Variants in LRRC37A observed in about 807,000 individuals in gnomAD.
The protein encoded by LRRC37A is leucine rich repeat containing 37A, also known as leucine-rich repeat-containing protein 37A.
LRRC37A carries 3 observed loss-of-function variants against 35.4 expected under a neutral mutation model. The ratio of observed to expected loss-of-function variants is 0.08; its 90% CI spans 0.04 to 0.22. The LOEUF (loss-of-function observed/expected upper bound fraction) is 0.22, where lower values mean the gene tolerates loss of function less well. Ranked by LOEUF, LRRC37A falls within the 10% of genes least tolerant of loss-of-function variation. The probability of loss-of-function intolerance (pLI) is 1.00; values close to 1 mark genes in which losing one functional copy is unlikely to be tolerated. For synonymous variants in LRRC37A, 23 were observed against 215.0 expected, an observed-to-expected ratio of 0.11 and a Z score of 7.81; for missense variants, 67 against 565.3, an observed-to-expected ratio of 0.12 and a Z score of 8.94.
chr17:46,253,084 G>A, the LRRC37A span, among the ~76,000 whole-genome samples: 5 of 118,716 alleles, frequency 4.2e-5, 1 homozygote, highest in Non-Finnish European at 4.2e-5. Context: ...GGCGGTTGCC[G>A]GGCGGAGGGT....
chr17:46,252,919 C>CG, the LRRC37A span, among the ~76,000 whole-genome samples: 1 of 136,982 alleles, frequency 7.3e-6, no homozygotes, highest in Admixed American at 7.8e-5. Context: ...GCTGGCCGGG[C>CG]GGGGGGCTGA....
At chr17:46,260,998 G>T in the LRRC37A span, among the ~76,000 whole-genome samples, 18 of 152,188 alleles carry the variant, frequency 1.2e-4, no homozygotes, top group Non-Finnish European at 2.1e-4. Flanking sequence ...TCATAAATGG[G>T]AGCTAAGCTA....
chr17:46,265,867 C>G, the LRRC37A span, among the ~76,000 whole-genome samples: 2 of 152,202 alleles, frequency 1.3e-5, no homozygotes, highest in Non-Finnish European at 2.9e-5. Flanking sequence ...AAGGCCAAGG[C>G]GGGTGGATGG....
the LRRC37A span, among the ~76,000 whole-genome samples, chr17:46,258,920 A>G: frequency 6.2e-5 from 9 of 145,620 alleles, no homozygotes; most frequent in African/African-American, 1.6e-4. Flanking sequence ...GGGTTTCACC[A>G]TGTTAGCCTG....
chr17:46,275,630 G>A, the LRRC37A span, among the ~76,000 whole-genome samples: 3 of 152,154 alleles, frequency 2.0e-5, no homozygotes, highest in African/African-American at 4.8e-5. Context: ...ACTGGAAAAA[G>A]CCAATATTTA....
chr17:46,271,563 A>T, the LRRC37A span, among the ~76,000 whole-genome samples: 1 of 152,062 alleles, frequency 6.6e-6, no homozygotes, highest in African/African-American at 2.4e-5. Flanking sequence ...AGAGATCTGA[A>T]AGTCCACCAG....
At chr17:46,291,925 C>T (rs1344250546), upstream of LRRC37A, among the ~76,000 whole-genome samples, 1 of 145,532 alleles carries the variant, frequency 6.9e-6, no homozygotes, top group Non-Finnish European at 1.5e-5. Flanking sequence ...TGCACCGCTG[C>T]ACTCCAGCCT....
At position 46,324,466 on chromosome 17, in the gene LRRC37A, AG is replaced by A. The variant is rs959492458; in HGVS notation, c.3053+1441del. On this transcript the variant is annotated intron_variant, in intron 7 of 13. Coordinates refer to ENST00000320254, the Ensembl canonical transcript of LRRC37A. ...CTTCTCCCAGAAATGATACACATTT[AG>A]GTCTATGATCCATTTTGAGTCAATT... Among the ~76,000 whole-genome samples the A allele has an allele frequency of 2.6e-5, 2 of 78,372 alleles. 1 individual carries two copies. Among genetic ancestry groups the A allele is most frequent in the African/African-American group, 6.6e-5 (2 of 30,502 alleles). 51.4% of individuals were successfully genotyped at this position (78,372 alleles called of 152,430 possible). A position where few individuals can be genotyped will look rare whatever the true frequency, so the allele number is the denominator to read the frequency against.
chr17:46,255,640 ACCAG>A, the LRRC37A span, among the ~76,000 whole-genome samples: 2 of 150,866 alleles, frequency 1.3e-5, no homozygotes, highest in African/African-American at 2.4e-5. Context: ...TGCTGGGATT[ACCAG>A]CATGAGCCAC....
chr17:46,283,720 G>A, the LRRC37A span, among the ~76,000 whole-genome samples: 3 of 152,194 alleles, frequency 2.0e-5, no homozygotes, highest in Non-Finnish European at 2.9e-5. Context: ...AAAGAAATAA[G>A]GGGGCCCAGG....
chr17:46,287,138 G>C, the LRRC37A span, among the ~76,000 whole-genome samples: 1 of 152,188 alleles, frequency 6.6e-6, no homozygotes, highest in Non-Finnish European at 1.5e-5. Flanking sequence ...AGTATCTGAT[G>C]CTCTATCACA....
chr17:46,271,903 A>G, the LRRC37A span, among the ~76,000 whole-genome samples: 1 of 152,290 alleles, frequency 6.6e-6, no homozygotes, highest in Non-Finnish European at 1.5e-5. Flanking sequence ...CTGGGACTAC[A>G]GGTGTGTGCC....
the LRRC37A span, chr17:46,268,534 A>G: frequency 2.7e-6 from 4 of 1,466,520 alleles, no homozygotes; most frequent in East Asian, 8.0e-5. Context: ...GGCCACATCT[A>G]CCATAAGAGA....
the LRRC37A span, among the ~76,000 whole-genome samples, chr17:46,261,405 C>T: frequency 3.2e-4 from 48 of 152,210 alleles, no homozygotes; most frequent in Middle Eastern, 3.4e-3. Flanking sequence ...TTACTACAAA[C>T]TATATTTGTA....
chr17:46,291,969 C>CAAAAAAAAAAAAAAAAAAAAAAAAAA (rs59554870), upstream of LRRC37A, among the ~76,000 whole-genome samples: 1 of 58,086 alleles, frequency 1.7e-5, no homozygotes, highest in African/African-American at 7.2e-5. Context: ...TCTCAAAAAG[C>CAAAAAAAAAAAAAAAAAAAAAAAAAA]AAAAAAAAAA....
chr17:46,308,974 A>T (rs1397172750), intron 5 of LRRC37A, among the ~76,000 whole-genome samples: 1 of 70,268 alleles, frequency 1.4e-5, no homozygotes, highest in Non-Finnish European at 4.2e-5. Context: ...AAAATCCTGA[A>T]ATCATCCCTG....
the LRRC37A span, among the ~76,000 whole-genome samples, chr17:46,252,270 T>C: frequency 0.14 from 21,002 of 150,548 alleles, 2,079 homozygotes; most frequent in Non-Finnish European, 0.21. Flanking sequence ...AGTGGCATAA[T>C]CTCAGTTCAC....
the LRRC37A span, among the ~76,000 whole-genome samples, chr17:46,283,597 G>A: frequency 3.9e-5 from 6 of 152,214 alleles, no homozygotes; most frequent in East Asian, 1.9e-4. Flanking sequence ...AAGCTTGGTC[G>A]GAAGACCTTG....
chr17:46,334,905 A>G (rs2052229755), intron 10 of LRRC37A: 1 of 128,762 alleles, frequency 7.8e-6, no homozygotes, highest in Non-Finnish European at 1.7e-5. Context: ...AACTGTCAAC[A>G]ATGTACAATA....
Sources: gnomAD v4.1 joint callset for allele counts (sites outside exome capture counted in the v4.1 genomes callset) on GRCh38, gnomAD v4.1.1 for gene constraint, MANE v1.5 for transcripts, NCBI Gene and HGNC (gene_info 2026-07-23, HGNC 2026-07-21) for gene names.